The following MAST4 variants were observed in gnomAD, a reference collection of about 807,000 sequenced individuals.
MAST4 encodes microtubule associated serine/threonine kinase family member 4.
Under a neutral mutation model 162.7 loss-of-function variants are expected in MAST4, and 89 were observed. That is an observed-to-expected ratio of 0.55 (90% CI 0.46 to 0.65). The LOEUF (loss-of-function observed/expected upper bound fraction) is 0.65, where lower values mean the gene tolerates loss of function less well. Among genes scored for constraint, MAST4 ranks in the 30% least tolerant of loss-of-function variants. The pLI is 0.00. For missense variants in MAST4, 3,153 were observed against 3,374.0 expected (o/e 0.93, Z 1.62); for synonymous variants, 1,479 against 1,361.1 (o/e 1.09, Z -1.91).
intron 3 of MAST4, among the ~76,000 whole-genome samples, chr5:66,845,620 G>T (rs199608864): frequency 1.3e-5 from 2 of 152,090 alleles, no homozygotes; most frequent in Non-Finnish European, 2.9e-5. Flanking sequence ...AATCCTTTGG[G>T]TATATACCCA....
At chr5:66,959,133 A>C (rs1247111894) in intron 4 of MAST4, 3 of 727,242 alleles carry the variant, frequency 4.1e-6, no homozygotes, top group Non-Finnish European at 7.7e-6. Context: ...CTCCCCCTCG[A>C]GAGAGTGTTA....
intron 4 of MAST4, among the ~76,000 whole-genome samples, chr5:67,053,325 T>C (rs1219289690): frequency 6.6e-6 from 1 of 152,230 alleles, no homozygotes; most frequent in African/African-American, 2.4e-5. Flanking sequence ...TATCTCACTG[T>C]ACCTAAATTA....
At chr5:66,858,787 G>T (rs1337919046) in intron 3 of MAST4, among the ~76,000 whole-genome samples, 1 of 152,016 alleles carries the variant, frequency 6.6e-6, no homozygotes, top group African/African-American at 2.4e-5. Context: ...TTCCTTCTAT[G>T]TATATGGTAT....
rs1335365747 is a variant in MAST4, at chr5:67,142,498, A to G, written c.2695A>G (p.Arg899Gly). The G allele has an allele frequency of 1.3e-6, 2 of 1,593,250 alleles. No individual in the cohort carries two copies. The highest frequency in any genetic ancestry group is 3.5e-5 in the Admixed American group (2 of 57,048). Residue 899 changes from arginine (R) to glycine (G), a missense_variant, in exon 21 of 29, where the codon AGG becomes GGG. Physicochemically the swap from Arg to Gly is moderately radical, Grantham distance 125 (BLOSUM62 -2). Transcript: ENST00000403625. ...TNDEDFNVEIRQFSSCSHRFS... is the reference protein window; with the variant it reads ...TNDEDFNVEIGQFSSCSHRFS... Reference sequence around the variant, plus strand: ...TGATGAAGACTTTAATGTGGAAATAAGGCAGTTTTCTTCATGTTCACACAG... The same window carrying G: ...TGATGAAGACTTTAATGTGGAAATAGGGCAGTTTTCTTCATGTTCACACAG...
rs752592817 is a variant in MAST4 at position 66,605,745 on chromosome 5, G to A, written c.363+8727G>A. The stretch of plus-strand genomic sequence containing the variant: ...AATCCACGGTGATTGTTGGGTTCTC[G>A]CCACGATGCATGCAGATTCCCTTTT... On this transcript the variant is annotated intron_variant, in intron 1 of 28. Transcript: ENST00000403625. Among the ~76,000 whole-genome samples the A allele has an allele frequency of 3.5e-4, 53 of 152,102 alleles. 1 individual carries two copies. The highest frequency in any genetic ancestry group is 2.2e-3 in the Admixed American group (34 of 15,280).
At chr5:66,597,228 T>C (rs1742247320) in intron 1 of MAST4, among the ~76,000 whole-genome samples, 1 of 152,198 alleles carries the variant, frequency 6.6e-6, no homozygotes, top group Non-Finnish European at 1.5e-5. Flanking sequence ...CGTGTGTGTG[T>C]CTCAGTGTGC....
intron 2 of MAST4, 63 bp from the exon 3 acceptor site, chr5:66,788,607 C>CAAAACAAAAAAAAAAAAA: frequency 7.3e-7 from 1 of 1,373,728 alleles, no homozygotes; most frequent in African/African-American, 1.5e-5. Flanking sequence ...CCCCCACCCC[C>CAAAACAAAAAAAAAAAAA]ATTGCAATAA....
At chr5:66,760,893 G>C (rs1159289819) in intron 2 of MAST4, among the ~76,000 whole-genome samples, 2 of 152,144 alleles carry the variant, frequency 1.3e-5, no homozygotes, top group Non-Finnish European at 1.5e-5. Flanking sequence ...ACCCTGATCT[G>C]ATCGCTATAC....
At chr5:67,114,787 CCTGTAA>C (rs1766684872) in intron 12 of MAST4, 1 of 152,244 alleles carries the variant, frequency 6.6e-6, no homozygotes, top group African/African-American at 2.4e-5. Context: ...GTGGCTCACG[CCTGTAA>C]TCCCAGCACT....
Position 66,991,761 on chromosome 5 carries a change from C to T in MAST4, c.675-62643C>T, listed in dbSNP as rs115937271. Among the ~76,000 whole-genome samples, 277 of 152,286 alleles carry T rather than the reference C, an allele frequency of 1.8e-3. 3 individuals carry two copies. The highest frequency in any genetic ancestry group is 6.3e-3 in the African/African-American group (261 of 41,568). On this transcript the variant is annotated intron_variant, in intron 4 of 28. Transcript: ENST00000403625. ...GAAAGGACTCTGGCAGTATCTGATG[C>T]CACTCTAGATGTTAAATGTGGTTAT...
intron 11 of MAST4, among the ~76,000 whole-genome samples, chr5:67,110,792 G>A (rs1766146070): frequency 6.6e-6 from 1 of 152,192 alleles, no homozygotes; most frequent in African/African-American, 2.4e-5. Flanking sequence ...GGGAGGCCGA[G>A]ACAGGCAGAT....
At position 66,820,412 on chromosome 5, in the gene MAST4, ATCACT is replaced by A. The variant is rs553963775; in HGVS notation, c.642+31624_642+31628del. ...ATCATACAATGACAATACTGCCAAC[ATCACT>A]TCACTCATCTATTCTCTTCTTAATC... is the stretch of plus-strand genomic sequence containing the variant. On this transcript the variant is annotated intron_variant, in intron 3 of 28. Coordinates refer to ENST00000403625, the MANE Select transcript of MAST4 (RefSeq NM_001164664.2). Among the ~76,000 whole-genome samples the A allele has an allele frequency of 8.9e-4, 135 of 152,330 alleles. 1 individual carries two copies. The highest frequency in any genetic ancestry group is 3.4e-3 in the Middle Eastern group (1 of 294).
intron 3 of MAST4, among the ~76,000 whole-genome samples, chr5:66,813,210 AT>A (rs1200567836): frequency 2.6e-5 from 4 of 152,320 alleles, no homozygotes; most frequent in Admixed American, 2.6e-4. Flanking sequence ...AGACTTTTCT[AT>A]TAAATTGAAA....
rs1773833372 is a variant in MAST4 at position 67,165,701 on chromosome 5, G to A, written c.6522G>A (p.Ser2174=). The A allele has an allele frequency of 6.3e-7, 1 of 1,577,330 alleles. No individual in the cohort carries two copies. Among genetic ancestry groups the A allele is most frequent in the East Asian group, 2.4e-5 (1 of 42,234 alleles). Residue 2174 remains serine (S), a synonymous_variant, in exon 29 of 29, where the codon TCG becomes TCA. Coordinates refer to ENST00000403625, the MANE Select transcript of MAST4 (RefSeq NM_001164664.2). ...AGCCCAGCACTGCAGAGCCCAGCTC[G>A]AGCCCCCAGGACCCTCCCAAGCCTG... The part of the protein sequence containing the change: ...GAKPSTAEPS[S]SPQDPPKPVA...
intron 4 of MAST4, among the ~76,000 whole-genome samples, chr5:66,977,486 A>AT (rs1304952151): frequency 2.0e-5 from 3 of 152,168 alleles, no homozygotes; most frequent in Admixed American, 6.5e-5. Context: ...AGAGCATTTA[A>AT]TTTTTTTATT....
intron 4 of MAST4, among the ~76,000 whole-genome samples, chr5:66,975,962 C>T (rs1748090775): frequency 6.6e-6 from 1 of 152,146 alleles, no homozygotes. Flanking sequence ...TGCACCACTG[C>T]ACTCCAGCCA....
intron 4 of MAST4, among the ~76,000 whole-genome samples, chr5:67,037,897 C>A (rs1561561336): frequency 6.6e-6 from 1 of 151,336 alleles, no homozygotes; most frequent in Non-Finnish European, 1.5e-5. Context: ...AAAACTAGAA[C>A]ACAAACATTA....
intron 4 of MAST4, among the ~76,000 whole-genome samples, chr5:66,945,205 A>G (rs1743877564): frequency 1.3e-5 from 2 of 152,104 alleles, no homozygotes; most frequent in Admixed American, 6.6e-5. Flanking sequence ...GCAGAGACTG[A>G]TTGGGTCAAG....
chr5:67,009,934 A>G (rs1752479487), intron 4 of MAST4, among the ~76,000 whole-genome samples: 1 of 152,154 alleles, frequency 6.6e-6, no homozygotes, highest in Non-Finnish European at 1.5e-5. Flanking sequence ...GAAGTTGATG[A>G]GCCATTGACT....
Sources: gnomAD v4.1 joint callset for allele counts (sites outside exome capture counted in the v4.1 genomes callset) on GRCh38, gnomAD v4.1.1 for gene constraint, MANE v1.5 for transcripts, NCBI Gene and HGNC (gene_info 2026-07-23, HGNC 2026-07-21) for gene names.